Variants in CADPS observed in about 807,000 individuals in gnomAD.
CADPS encodes the protein calcium-dependent secretion activator 1.
Under a neutral mutation model 167.3 loss-of-function variants are expected in CADPS, and 57 were observed. The ratio of observed to expected loss-of-function variants is 0.34; its 90% confidence interval spans 0.28 to 0.42. The LOEUF (loss-of-function observed/expected upper bound fraction) is 0.42, where lower values mean the gene tolerates loss of function less well. Ranked by LOEUF, CADPS falls within the 20% of genes least tolerant of loss-of-function variation. The pLI, the probability that CADPS is intolerant of heterozygous loss-of-function variation, is 1.00. For missense variants in CADPS, 1,414 were observed against 1,738.1 expected (o/e 0.81, Z 3.32); for synonymous variants, 676 against 635.3 (o/e 1.06, Z -0.96).
At chr3:62,765,566 A>G (rs146908135) in intron 2 of CADPS, among the ~76,000 whole-genome samples, 1 of 152,306 alleles carries the variant, frequency 6.6e-6, no homozygotes, top group African/African-American at 2.4e-5. Flanking sequence ...TCTGAGCCTC[A>G]GCCTCTTCAT....
intron 28 of CADPS, among the ~76,000 whole-genome samples, chr3:62,437,209 C>T (rs2055277340): frequency 6.6e-6 from 1 of 152,002 alleles, no homozygotes; most frequent in South Asian, 2.1e-4. Context: ...AGAACATCAG[C>T]TTCCATGCAC....
chr3:62,762,680 A>G (rs911503121), intron 2 of CADPS, among the ~76,000 whole-genome samples: 11 of 149,242 alleles, frequency 7.4e-5, no homozygotes, highest in African/African-American at 2.2e-4. Flanking sequence ...AAAAAAAGGT[A>G]TATGGGAGGA....
At chr3:62,714,515 G>T (rs2084035502) in intron 3 of CADPS, among the ~76,000 whole-genome samples, 2 of 152,170 alleles carry the variant, frequency 1.3e-5, no homozygotes, top group South Asian at 4.1e-4. Flanking sequence ...AGACATGAGG[G>T]TGGGGAGCAG....
chr3:62,806,521 C>A (rs997289705), intron 1 of CADPS, among the ~76,000 whole-genome samples: 2 of 152,062 alleles, frequency 1.3e-5, no homozygotes, highest in Non-Finnish European at 2.9e-5. Context: ...CAGAGCAAAA[C>A]CCTGTCTCCA....
At chr3:62,580,290 C>T (rs2083157732) in intron 8 of CADPS, among the ~76,000 whole-genome samples, 1 of 152,126 alleles carries the variant, frequency 6.6e-6, no homozygotes, top group South Asian at 2.1e-4. Context: ...TTTGTAGGGA[C>T]ATGGATGAAA....
At chr3:62,816,161 A>G (rs1216488446) in intron 1 of CADPS, among the ~76,000 whole-genome samples, 5 of 152,142 alleles carry the variant, frequency 3.3e-5, no homozygotes, top group Non-Finnish European at 7.4e-5. Flanking sequence ...TGTTATGGCC[A>G]AAAGGAAGAC....
At chr3:62,595,794 A>C (rs1046791106) in intron 6 of CADPS, among the ~76,000 whole-genome samples, 1 of 152,186 alleles carries the variant, frequency 6.6e-6, no homozygotes, top group Non-Finnish European at 1.5e-5. Context: ...CATTTGAGTC[A>C]GTGGGCTGGC....
intron 1 of CADPS, among the ~76,000 whole-genome samples, chr3:62,812,879 T>C (rs745630532): frequency 1.3e-5 from 2 of 152,146 alleles, no homozygotes; most frequent in African/African-American, 2.4e-5. Context: ...TCTCTGACTT[T>C]CTGGTGGAAA....
At chr3:62,448,164 G>C (rs2057499506) in intron 26 of CADPS, among the ~76,000 whole-genome samples, 1 of 152,194 alleles carries the variant, frequency 6.6e-6, no homozygotes, top group Admixed American at 6.5e-5. Context: ...TGGTAGAAAA[G>C]TATGAGGAAT....
At chr3:62,851,795 G>A (rs1307218824) in intron 1 of CADPS, among the ~76,000 whole-genome samples, 1 of 150,148 alleles carries the variant, frequency 6.7e-6, no homozygotes, top group Non-Finnish European at 1.5e-5. Flanking sequence ...GGCATTCTCT[G>A]TATTTCCTGA....
At chr3:62,813,767 CAAAT>C (rs1189558677) in intron 1 of CADPS, among the ~76,000 whole-genome samples, 1 of 152,102 alleles carries the variant, frequency 6.6e-6, no homozygotes, top group Non-Finnish European at 1.5e-5. Flanking sequence ...AAGCAAAAAA[CAAAT>C]AACCCCCTTG....
rs138646113 is a variant in CADPS, at chr3:62,461,240, G to C, written c.3636+4127C>G. Among the ~76,000 whole-genome samples, 353 of 152,346 alleles carry C rather than the reference G, an allele frequency of 2.3e-3. 2 individuals carry two copies. Among genetic ancestry groups the C allele is most frequent in the African/African-American group, 7.6e-3 (316 of 41,580 alleles). Reference sequence around the variant, plus strand: ...TGCCAGGCACTTAGCAAGTGTTTAAGGAATAGGAGCTGTAGCTCTTATAGT... The same window carrying C: ...TGCCAGGCACTTAGCAAGTGTTTAACGAATAGGAGCTGTAGCTCTTATAGT... On this transcript the variant is annotated intron_variant, in intron 26 of 29. Coordinates refer to ENST00000383710, the MANE Select transcript of CADPS (RefSeq NM_003716.4).
At chr3:62,417,528 A>C (rs9837716) in intron 28 of CADPS, among the ~76,000 whole-genome samples, 49 of 151,528 alleles carry the variant, frequency 3.2e-4, no homozygotes, top group African/African-American at 1.2e-3. Flanking sequence ...CAAGTGATCC[A>C]CCTGCCTCGG....
chr3:62,719,179 G>A (rs542794540), intron 3 of CADPS, among the ~76,000 whole-genome samples: 2 of 152,188 alleles, frequency 1.3e-5, no homozygotes, highest in African/African-American at 4.8e-5. Context: ...CCTAGCCCCT[G>A]CCTGCCTTTC....
intron 3 of CADPS, among the ~76,000 whole-genome samples, chr3:62,727,237 T>C (rs1156410649): frequency 6.6e-6 from 1 of 151,784 alleles, no homozygotes; most frequent in Non-Finnish European, 1.5e-5. Context: ...AGCTTCAAAC[T>C]ACAAACCAGA....
In CADPS at chr3:62,753,190, G is replaced by C. The variant is rs1377415816; in HGVS notation, c.888+251C>G. 3.3e-5 allele frequency among the ~76,000 whole-genome samples: 5 copies of C among 152,096 alleles called. No individual in the cohort carries two copies. The highest frequency in any genetic ancestry group is 1.2e-4 in the African/African-American group (5 of 41,406). On this transcript the variant is annotated intron_variant, in intron 3 of 29. Coordinates refer to ENST00000383710, the MANE Select transcript of CADPS (RefSeq NM_003716.4). The surrounding 1 kb of genome is among the most constrained non-coding windows in gnomAD (Gnocchi z 4.6). ...ACTCATAGGGCCAACTTACCCATTA[G>C]ACACAATGAGCTCAATGCCTAGGGC...
intron 1 of CADPS, among the ~76,000 whole-genome samples, chr3:62,819,038 C>T (rs2094765230): frequency 1.4e-5 from 2 of 148,044 alleles, no homozygotes; most frequent in East Asian, 2.0e-4. Flanking sequence ...GGTGGGTGGG[C>T]AGGGATTGAC....
intron 6 of CADPS, among the ~76,000 whole-genome samples, chr3:62,632,646 G>T (rs1178060799): frequency 6.6e-6 from 1 of 152,036 alleles, no homozygotes; most frequent in Non-Finnish European, 1.5e-5. Context: ...CTCACTGTAG[G>T]TTATTTCTCA....
At chr3:62,464,975 C>T (rs1251657423) in intron 26 of CADPS, among the ~76,000 whole-genome samples, 1 of 152,108 alleles carries the variant, frequency 6.6e-6, no homozygotes, top group East Asian at 1.9e-4. Context: ...AAACATATTT[C>T]CAGGACTGAG....
Sources: allele counts gnomAD v4.1 joint callset (sites outside exome capture counted in the v4.1 genomes callset), GRCh38; gene constraint gnomAD v4.1.1; non-coding constraint Gnocchi (gnomAD v3.1); transcripts MANE v1.5; gene names NCBI Gene and HGNC (gene_info 2026-07-23, HGNC 2026-07-21).